THAP4: variants seen among roughly 807,000 people sequenced by gnomAD.
The protein encoded by THAP4 is THAP domain containing 4.
THAP4 carries 18 observed loss-of-function variants against 48.1 expected under a neutral mutation model. That is an observed-to-expected ratio of 0.37 (90% CI 0.26 to 0.56). THAP4 has a LOEUF of 0.56. THAP4 is among the 20% of genes least tolerant of loss of function. The probability of loss-of-function intolerance (pLI) is 0.78; values close to 1 mark genes in which losing one functional copy is unlikely to be tolerated. For missense variants in THAP4, 656 were observed against 774.9 expected (o/e 0.85, Z 1.82); for synonymous variants, 345 against 324.9 (o/e 1.06, Z -0.66).
intron 2 of THAP4, among the ~76,000 whole-genome samples, chr2:241,632,466 G>C (rs556491190): frequency 5.5e-4 from 83 of 152,030 alleles, no homozygotes; most frequent in Non-Finnish European, 1.1e-3. Flanking sequence ...TTAACTTCAA[G>C]GATATTCCTT....
intron 2 of THAP4, among the ~76,000 whole-genome samples, chr2:241,611,218 C>A (rs1376353761): frequency 6.6e-6 from 1 of 152,106 alleles, no homozygotes; most frequent in East Asian, 1.9e-4. Context: ...AGGCCTGGGG[C>A]GGAGTGGGGA....
Position 241,625,820 on chromosome 2 carries a change from A to G in THAP4, c.1240+7097T>C, listed in dbSNP as rs866756850. ...CTCAAAAAAAAAAAAAAAAAAAAAA[A>G]AAAAGAAAAAAGAAAACTACAGACA... On this transcript the variant is annotated intron_variant, in intron 2 of 5. Coordinates refer to ENST00000407315, the MANE Select transcript of THAP4 (RefSeq NM_015963.6). Among the ~76,000 whole-genome samples the G allele has an allele frequency of 5.1e-3, 755 of 146,938 alleles. 7 individuals carry two copies. The highest frequency in any genetic ancestry group is 0.018 in the African/African-American group (707 of 38,496).
chr2:241,622,441 C>T (rs947830363), intron 2 of THAP4, among the ~76,000 whole-genome samples: 1 of 151,994 alleles, frequency 6.6e-6, no homozygotes, highest in Non-Finnish European at 1.5e-5. Flanking sequence ...AGTACCTCTT[C>T]CCTTTGAGAA....
At position 241,591,000 on chromosome 2, in the gene THAP4, C is replaced by CG. The variant is rs1559216846; in HGVS notation, c.1615-6276_1615-6275insC. On this transcript the variant is annotated intron_variant, in intron 5 of 5. Transcript: ENST00000407315. ...AGGACACTCAGAGCTGCTCGGCTGA[C>CG]AATAATGGGCACTAGGACACACAGA... is the stretch of plus-strand genomic sequence containing the variant. Among the ~76,000 whole-genome samples, 23 of 35,388 alleles carry CG rather than the reference C, an allele frequency of 6.5e-4. 1 individual carries two copies. Among genetic ancestry groups the CG allele is most frequent in the East Asian group, 3.1e-3 (4 of 1,274 alleles). 23.2% of individuals were successfully genotyped at this position (35,388 alleles called of 152,430 possible).
chr2:241,606,205 C>T, intron 3 of THAP4, 109 bp downstream of exon 3: 1 of 1,049,652 alleles, frequency 9.5e-7, no homozygotes, highest in South Asian at 2.5e-5. Context: ...TGGACAAGTT[C>T]CTTTTACACC....
intron 3 of THAP4, among the ~76,000 whole-genome samples, chr2:241,604,337 G>A (rs893449290): frequency 6.6e-6 from 1 of 151,944 alleles, no homozygotes. Flanking sequence ...TGCAACCTCC[G>A]CCTCCTGAGT....
At chr2:241,602,090 C>T (rs541339825) in intron 4 of THAP4, 91 bp from the exon 5 acceptor site, 12 of 1,232,572 alleles carry the variant, frequency 9.7e-6, no homozygotes, top group Admixed American at 4.0e-5. Flanking sequence ...CGGGACTCCA[C>T]AGGAGGCCCC....
rs141631140 is a variant in THAP4 at position 241,606,349 on chromosome 2, G to A, written c.1365C>T (p.His455=). The A allele has an allele frequency of 2.0e-4, 308 of 1,569,906 alleles. 1 individual carries two copies. In the African/African-American group the frequency reaches 3.7e-3, roughly 19 times the overall value. Residue 455 remains histidine (H), a synonymous_variant, in exon 3 of 6, where the codon CAC becomes CAT. Coordinates refer to ENST00000407315, the MANE Select transcript of THAP4 (RefSeq NM_015963.6). ...LQPFQYLEEV[H]ISHVGQPMLN... ...GCATGGGCTGGCCCACGTGGGAGAT[G>A]TGAACCTCCTCCAGGTACTGGAAGG... is the stretch of plus-strand genomic sequence containing the variant.
At chr2:241,590,624 A>C (rs1485055007) in intron 5 of THAP4, among the ~76,000 whole-genome samples, 9 of 151,250 alleles carry the variant, frequency 6.0e-5, no homozygotes, top group Admixed American at 1.3e-4. Context: ...GATGGGCACT[A>C]GGACACGCAG....
chr2:241,626,621 T>TG (rs1224626757), intron 2 of THAP4, among the ~76,000 whole-genome samples: 1 of 151,834 alleles, frequency 6.6e-6, no homozygotes, highest in Non-Finnish European at 1.5e-5. Flanking sequence ...TGGAGTGCAG[T>TG]GGCGTGATCT....
At position 241,633,533 on chromosome 2, in the gene THAP4, C is replaced by T; in HGVS notation, c.624G>A (p.Gly208=). 6.2e-7 allele frequency: 1 copy of T among 1,614,066 alleles called. No individual in the cohort carries two copies. The change falls in exon 2 of 6, where the codon GGG becomes GGA. Residue 208 remains glycine, a synonymous_variant. Transcript: ENST00000407315. This position sits in a 1 kb window ranked among gnomAD's most constrained non-coding sequence, Gnocchi z 7.5. ...AAATGCCACTCTTATCTGTCACGCC[C>T]CCTTCGATGGAGGAAGTGGCGCTCT... ...GDESATSSIE[G]GVTDKSGISM...
At chr2:241,628,915 G>C (rs2067525882) in intron 2 of THAP4, among the ~76,000 whole-genome samples, 1 of 99,264 alleles carries the variant, frequency 1.0e-5, no homozygotes, top group Non-Finnish European at 1.8e-5. Context: ...ACTCCAGTCT[G>C]AGATTGTCTC....
At chr2:241,629,699 C>T (rs1454196092) in intron 2 of THAP4, among the ~76,000 whole-genome samples, 2 of 151,576 alleles carry the variant, frequency 1.3e-5, no homozygotes, top group East Asian at 1.9e-4. Context: ...AGAAATAAGA[C>T]GTTAAACGGG....
intron 3 of THAP4, among the ~76,000 whole-genome samples, chr2:241,603,630 C>A (rs528570201): frequency 1.3e-5 from 2 of 152,366 alleles, no homozygotes; most frequent in South Asian, 4.1e-4. Flanking sequence ...TTAGCCCAGG[C>A]CTCACACAGT....
chr2:241,636,994 C>T lies in THAP4; in HGVS notation c.24G>A (p.Val8=), dbSNP rs756268127. 7.6e-7 allele frequency: 1 copy of T among 1,318,324 alleles called. No homozygotes were observed. The highest frequency in any genetic ancestry group is 4.9e-5 in the East Asian group (1 of 20,564). The allele number at this position is 1,318,324 out of a possible 1,614,324, so 81.7% of individuals were successfully genotyped here. ...CCTTTCCCTGCCGGTTGGAGCAGTTCACGGCCGCACAGCAGATCACCATCG... is the reference window on the plus strand; with the variant it reads ...CCTTTCCCTGCCGGTTGGAGCAGTTTACGGCCGCACAGCAGATCACCATCG... The part of the protein sequence containing the change: MVICCAA[V]NCSNRQGKGE... The change falls in exon 1 of 6, where the codon GTG becomes GTA. Residue 8 remains valine, a synonymous_variant. Coordinates refer to ENST00000407315, the MANE Select transcript of THAP4 (RefSeq NM_015963.6).
At chr2:241,619,237 A>C (rs1204686080) in intron 2 of THAP4, among the ~76,000 whole-genome samples, 2 of 152,218 alleles carry the variant, frequency 1.3e-5, no homozygotes, top group East Asian at 3.9e-4. Context: ...ACACTCGAGG[A>C]ATTTTACAGC....
rs1003626269 is a variant in THAP4, at chr2:241,590,133, A to G, written c.1615-5408T>C. 2.0e-5 allele frequency among the ~76,000 whole-genome samples: 3 copies of G among 150,860 alleles called. No homozygotes were observed. The South Asian group carries it at 6.3e-4, about 32-fold the overall frequency. On this transcript the variant is annotated intron_variant, in intron 5 of 5. Coordinates refer to ENST00000407315, the MANE Select transcript of THAP4 (RefSeq NM_015963.6). ...CGATGATGGGCACTAGGACACTCAG[A>G]GCTGCTCGGCTGATGATAATGGGCA...
intron 3 of THAP4, among the ~76,000 whole-genome samples, chr2:241,604,127 G>C (rs748343131): frequency 6.6e-6 from 1 of 152,018 alleles, no homozygotes; most frequent in Non-Finnish European, 1.5e-5. Context: ...CTGTCACCCA[G>C]GCTCGTCGCG....
rs1303788434 is a variant in THAP4, at chr2:241,632,996, C to T, written c.1161G>A (p.Val387=). Residue 387 remains valine (V), a synonymous_variant, in exon 2 of 6, where the codon GTG becomes GTA. Coordinates refer to ENST00000407315, the MANE Select transcript of THAP4 (RefSeq NM_015963.6). ...CATCCAGCTTCTCCTGTAGCTTCCG[C>T]ACCTGGCTGTCGGAGCGGCTGACCC... is the stretch of plus-strand genomic sequence containing the variant. ...RQRVSRSDSQ[V]RKLQEKLDEL... is the part of the protein sequence containing the mutation. 3 of 1,613,676 alleles carry T rather than the reference C, an allele frequency of 1.9e-6. No homozygotes were observed. Among genetic ancestry groups the T allele is most frequent in the African/African-American group, 1.3e-5 (1 of 74,954 alleles).
Sources: allele counts gnomAD v4.1 joint callset (sites outside exome capture counted in the v4.1 genomes callset), GRCh38; gene constraint gnomAD v4.1.1; non-coding constraint Gnocchi (gnomAD v3.1); transcripts MANE v1.5; gene names NCBI Gene and HGNC (gene_info 2026-07-23, HGNC 2026-07-21).